AKAP6: variants seen among roughly 807,000 people sequenced by gnomAD.
The protein encoded by AKAP6 is A-kinase anchoring protein 6.
A neutral mutation model predicts 188.5 loss-of-function variants in AKAP6; 58 were observed. That is an observed-to-expected ratio of 0.31 (90% CI 0.25 to 0.38). The LOEUF is 0.38. Among genes scored for constraint, AKAP6 ranks in the 10% least tolerant of loss-of-function variants. The pLI is 1.00. For synonymous variants in AKAP6, 989 were observed against 998.6 expected (o/e 0.99, Z 0.18); for missense variants, 2,710 against 2,740.0 (o/e 0.99, Z 0.24).
intron 1 of AKAP6, chr14:32,373,327 G>A (rs1489214280): frequency 1.3e-5 from 2 of 152,282 alleles, no homozygotes; most frequent in East Asian, 3.9e-4. Flanking sequence ...TGTTCCAGGA[G>A]AGCCGATTGG....
chr14:32,599,014 A>G (rs1885814696), intron 5 of AKAP6, among the ~76,000 whole-genome samples: 1 of 152,164 alleles, frequency 6.6e-6, no homozygotes, highest in Admixed American at 6.6e-5. Flanking sequence ...TAAGGCTAAT[A>G]TATTTTATGC....
chr14:32,658,630 A>T (rs893005723), intron 7 of AKAP6, among the ~76,000 whole-genome samples: 1 of 152,008 alleles, frequency 6.6e-6, no homozygotes, highest in East Asian at 1.9e-4. Flanking sequence ...TTTTCAAAAT[A>T]TCTCAATTAA....
intron 9 of AKAP6, among the ~76,000 whole-genome samples, chr14:32,704,546 A>C (rs992977959): frequency 1.3e-5 from 2 of 152,170 alleles, no homozygotes; most frequent in African/African-American, 4.8e-5. Flanking sequence ...ACTTTTTAGT[A>C]TGTCCTGTTT....
At chr14:32,578,154 C>T (rs10141512) in intron 5 of AKAP6, among the ~76,000 whole-genome samples, 5,306 of 151,964 alleles carry the variant, frequency 0.035, 298 homozygotes, top group African/African-American at 0.12. Flanking sequence ...TACCTGTATG[C>T]GAGTTCACAG....
intron 2 of AKAP6, among the ~76,000 whole-genome samples, chr14:32,507,144 C>A (rs903013920): frequency 4.6e-5 from 7 of 152,066 alleles, no homozygotes; most frequent in South Asian, 2.1e-4. Context: ...TGTATCTATC[C>A]AACAATTGCT....
At chr14:32,759,894 A>T (rs1594919195) in intron 11 of AKAP6, among the ~76,000 whole-genome samples, 1 of 152,330 alleles carries the variant, frequency 6.6e-6, no homozygotes, top group Middle Eastern at 3.4e-3. Flanking sequence ...TCAACATGAG[A>T]TTTGGGCAGG....
At chr14:32,492,716 C>A (rs1312972422) in intron 2 of AKAP6, among the ~76,000 whole-genome samples, 1 of 151,994 alleles carries the variant, frequency 6.6e-6, no homozygotes, top group Admixed American at 6.6e-5. Context: ...AAAAAAAATT[C>A]TCCATGGGCT....
chr14:32,672,292 A>T (rs1302001636), intron 7 of AKAP6, among the ~76,000 whole-genome samples: 1 of 152,248 alleles, frequency 6.6e-6, no homozygotes, highest in Non-Finnish European at 1.5e-5. Context: ...AAGCAATTGT[A>T]TTAAATCTCA....
chr14:32,355,394 G>T (rs150345304), intron 1 of AKAP6, among the ~76,000 whole-genome samples: 1 of 149,730 alleles, frequency 6.7e-6, no homozygotes, highest in Non-Finnish European at 1.5e-5. Flanking sequence ...ATAAATGTTT[G>T]TTCCCTAAGT....
At chr14:32,813,796 C>T (rs1221026730) in intron 12 of AKAP6, among the ~76,000 whole-genome samples, 2 of 151,690 alleles carry the variant, frequency 1.3e-5, no homozygotes, top group Non-Finnish European at 2.9e-5. Context: ...TACAACTTCA[C>T]AATCATCCTG....
intron 2 of AKAP6, among the ~76,000 whole-genome samples, chr14:32,519,609 A>G (rs2139053249): frequency 6.6e-6 from 1 of 152,328 alleles, no homozygotes; most frequent in Non-Finnish European, 1.5e-5. Context: ...AGGCCATTAC[A>G]TAGTGGTAAA....
intron 1 of AKAP6, among the ~76,000 whole-genome samples, chr14:32,416,783 G>A (rs1179025987): frequency 2.0e-5 from 3 of 152,062 alleles, no homozygotes; most frequent in Admixed American, 6.6e-5. Context: ...TCCAACTCCT[G>A]ACCTCAAATG....
chr14:32,544,479 A>G (rs1594728314), intron 3 of AKAP6, among the ~76,000 whole-genome samples: 1 of 152,328 alleles, frequency 6.6e-6, no homozygotes, highest in East Asian at 1.9e-4. Flanking sequence ...GGAGTTTTAA[A>G]TCAAATCAGC....
intron 8 of AKAP6, among the ~76,000 whole-genome samples, chr14:32,692,532 C>T (rs1890226101): frequency 6.6e-6 from 1 of 152,096 alleles, no homozygotes; most frequent in South Asian, 2.1e-4. Context: ...AAAACAAAAT[C>T]TCACGTAAAG....
intron 1 of AKAP6, among the ~76,000 whole-genome samples, chr14:32,373,975 C>G (rs578247462): frequency 2.0e-5 from 3 of 152,248 alleles, no homozygotes; most frequent in African/African-American, 7.2e-5. Flanking sequence ...ATACTTATCC[C>G]TGGTTAAAGA....
At chr14:32,695,905 G>C in intron 8 of AKAP6, 85 bp from the exon 9 acceptor site, 1 of 1,434,650 alleles carries the variant, frequency 7.0e-7, no homozygotes, top group East Asian at 2.6e-5. Context: ...AAACATCATG[G>C]GTTTTCAAGA....
intron 7 of AKAP6, among the ~76,000 whole-genome samples, chr14:32,614,216 G>A (rs1886464112): frequency 6.6e-6 from 1 of 152,148 alleles, no homozygotes; most frequent in South Asian, 2.1e-4. Context: ...GTGGTTTTCA[G>A]TTGAAGTCCT....
chr14:32,364,564 A>G (rs1057060594), intron 1 of AKAP6, among the ~76,000 whole-genome samples: 1 of 152,122 alleles, frequency 6.6e-6, no homozygotes, highest in Admixed American at 6.5e-5. Flanking sequence ...GATCTTTCAC[A>G]CTGGAGGTAT....
intron 5 of AKAP6, among the ~76,000 whole-genome samples, chr14:32,580,664 T>C (rs1261892380): frequency 6.6e-6 from 1 of 152,146 alleles, no homozygotes; most frequent in Non-Finnish European, 1.5e-5. Flanking sequence ...TAACTTGTCA[T>C]TTAGCATTAG....
Sources: allele counts gnomAD v4.1 joint callset (sites outside exome capture counted in the v4.1 genomes callset), GRCh38; gene constraint gnomAD v4.1.1; transcripts MANE v1.5; gene names NCBI Gene and HGNC (gene_info 2026-07-23, HGNC 2026-07-21).